The following LMOD3 variants were observed in gnomAD, a reference collection of about 807,000 sequenced individuals.
LMOD3 encodes the protein leiomodin-3.
LMOD3 carries 31 observed loss-of-function variants against 41.8 expected under a neutral mutation model. The observed-to-expected ratio is 0.74, with a 90% CI of 0.56 to 1.00. The LOEUF (loss-of-function observed/expected upper bound fraction) is 1.00. Ranked by LOEUF, LMOD3 falls within the 50% of genes least tolerant of loss-of-function variation. The pLI is 0.00. For synonymous variants in LMOD3, 292 were observed against 241.9 expected, an observed-to-expected ratio of 1.21 and a Z score of -1.92; for missense variants, 755 against 679.5, an observed-to-expected ratio of 1.11 and a Z score of -1.23.
At position 69,122,532 on chromosome 3, in the gene LMOD3, G is replaced by T. The variant is rs1398506304; in HGVS notation, c.-146C>A. On this transcript the variant is annotated 5_prime_UTR_variant, in exon 1 of 3. Coordinates refer to ENST00000420581, the MANE Select transcript of LMOD3 (RefSeq NM_198271.5). ...TGAGATATTTTTTTTTTTTTCCCAG[G>T]AACCTCAGTGGTTTGCTGAGCAGCT... The T allele has an allele frequency of 1.8e-5, 11 of 627,608 alleles. No homozygotes were observed. Among genetic ancestry groups the T allele is most frequent in the Non-Finnish European group, 2.7e-6 (1 of 369,052 alleles). 38.9% of individuals were successfully genotyped at this position (627,608 alleles called of 1,614,324 possible). A position where few individuals can be genotyped will look rare whatever the true frequency, so the allele number is the denominator to read the frequency against.
intron 2 of LMOD3, 147 bp downstream of exon 2, chr3:69,118,552 T>G (rs2092388014): frequency 1.2e-6 from 1 of 845,130 alleles, no homozygotes; most frequent in Non-Finnish European, 1.8e-6. Flanking sequence ...ATAGCAGTAA[T>G]TTAGTTCTAT....
intron 2 of LMOD3, among the ~76,000 whole-genome samples, chr3:69,116,733 A>G (rs1219439059): frequency 1.3e-5 from 2 of 152,158 alleles, no homozygotes; most frequent in African/African-American, 2.4e-5. Context: ...ACTTACCACT[A>G]TATCCCCAAT....
Position 69,122,350 on chromosome 3 carries a change from G to A in LMOD3, c.37C>T (p.Leu13Phe). 5.0e-6 allele frequency: 8 copies of A among 1,605,920 alleles called. No individual in the cohort carries two copies. Among genetic ancestry groups the A allele is most frequent in the Non-Finnish European group, 6.8e-6 (8 of 1,173,330 alleles). The change falls in exon 1 of 3, where the codon CTT (leucine) becomes TTT (phenylalanine). Residue 13 changes from leucine to phenylalanine, a missense_variant. Transcript: ENST00000420581. ...TCTTCATTAATCTCCTCATCGAGAA[G>A]TTCTTCTTGATCTGAATTTCTGCTG... ...EHSRNSDQEE[L>F]LDEEINEDEI... is the part of the protein sequence containing the mutation.
In LMOD3 at chr3:69,119,528, T is replaced by C. The variant is rs758365696; in HGVS notation, c.827A>G (p.Asn276Ser). ...GATGTGCTTGTTTTTCTTCATTGCA[T>C]TGACAAAGTCCAGTAACATTTCTTT... Reference protein sequence around the residue: ...IPKEMLLDFVNAMKKNKHIKT... With the variant: ...IPKEMLLDFVSAMKKNKHIKT... Residue 276 changes from asparagine (N) to serine (S), a missense_variant, in exon 2 of 3, where the codon AAT becomes AGT. Coordinates refer to ENST00000420581, the MANE Select transcript of LMOD3 (RefSeq NM_198271.5). 1 of 1,613,970 alleles carries C rather than the reference T, an allele frequency of 6.2e-7. No homozygotes were observed. Among genetic ancestry groups the C allele is most frequent in the Admixed American group, 1.7e-5 (1 of 60,016 alleles).
In LMOD3 at chr3:69,108,715, T is replaced by A. The variant is rs1254569273; in HGVS notation, c.*380A>T. 5.8e-6 allele frequency: 1 copy of A among 171,134 alleles called. No individual in the cohort carries two copies. The highest frequency in any genetic ancestry group is 1.2e-5 in the Non-Finnish European group (1 of 80,796). The allele number at this position is 171,134 out of a possible 1,614,324, so 10.6% of individuals were successfully genotyped here. A position where few individuals can be genotyped will look rare whatever the true frequency, so the allele number is the denominator to read the frequency against. On this transcript the variant is annotated 3_prime_UTR_variant, in exon 3 of 3. Transcript: ENST00000420581. ...CAGAAGAGATGGAAGGAGAAAAAAA[T>A]GGGAATACAATAGTTAACACTTCTG...
intron 2 of LMOD3, among the ~76,000 whole-genome samples, chr3:69,109,630 C>T (rs1163477905): frequency 4.1e-5 from 6 of 147,828 alleles, no homozygotes; most frequent in East Asian, 4.1e-4. Context: ...CGGGTTCAAG[C>T]GATTCTCCTG....
intron 2 of LMOD3, among the ~76,000 whole-genome samples, chr3:69,110,853 A>T (rs2036628): frequency 0.044 from 4,560 of 103,446 alleles, 139 homozygotes; most frequent in East Asian, 0.092. Flanking sequence ...AAAAAAAAAA[A>T]ATATATATAT....
Position 69,119,792 on chromosome 3 carries a change from C to G in LMOD3, c.563G>C (p.Cys188Ser). Residue 188 changes from cysteine to serine, a missense_variant, in exon 2 of 3, where the codon TGC (cysteine) becomes TCC (serine). By Grantham distance (112) the Cys-to-Ser change is moderately radical. Coordinates refer to ENST00000420581, the MANE Select transcript of LMOD3 (RefSeq NM_198271.5). Reference sequence around the variant, plus strand: ...GAATGCTTTGTCAGTTACCTGCTGGCAGTTGTTCTCACAATTTCTAATTTG... The same window carrying G: ...GAATGCTTTGTCAGTTACCTGCTGGGAGTTGTTCTCACAATTTCTAATTTG... ...KEQIRNCENN[C>S]QQVTDKAFKE... 1 of 1,606,848 alleles carries G rather than the reference C, an allele frequency of 6.2e-7. No homozygotes were observed. The highest frequency in any genetic ancestry group is 8.5e-7 in the Non-Finnish European group (1 of 1,175,868).
Position 69,119,274 on chromosome 3 carries a change from C to A in LMOD3, c.1081G>T (p.Ala361Ser). 6.2e-7 allele frequency: 1 copy of A among 1,613,910 alleles called. No individual in the cohort carries two copies. The highest frequency in any genetic ancestry group is 8.5e-7 in the Non-Finnish European group (1 of 1,179,878). ...GTGTTGTTTGCCTTCAAAAGCCTGGCTATTTCCATTTCAGCATGGTGACCC... is the reference window on the plus strand; with the variant it reads ...GTGTTGTTTGCCTTCAAAAGCCTGGATATTTCCATTTCAGCATGGTGACCC... Reference protein sequence around the residue: ...MLGHHAEMEIARLLKANNTLL... With the variant: ...MLGHHAEMEISRLLKANNTLL... The change falls in exon 2 of 3, where the codon GCC becomes TCC. Residue 361 changes from alanine to serine, a missense_variant. Ala to Ser is a moderately conservative substitution (Grantham distance 99, BLOSUM62 1). Transcript: ENST00000420581.
rs1575878416 is a variant in LMOD3 at position 69,118,611 on chromosome 3, C to T, written c.1656+88G>A. Reference sequence around the variant, plus strand: ...CAGTTGGTCTCAATTAGTGAGTATCCCCTTATGTTAAAACAGAGAGGGAAT... The same window carrying T: ...CAGTTGGTCTCAATTAGTGAGTATCTCCTTATGTTAAAACAGAGAGGGAAT... On this transcript the variant is annotated intron_variant, in intron 2 of 2. Coordinates refer to ENST00000420581, the MANE Select transcript of LMOD3 (RefSeq NM_198271.5). 3.5e-6 allele frequency: 5 copies of T among 1,423,122 alleles called. No individual in the cohort carries two copies. In the East Asian group the frequency reaches 7.4e-5, roughly 21 times the overall value. 88.2% of individuals were successfully genotyped at this position (1,423,122 alleles called of 1,614,324 possible).
At chr3:69,121,123 G>C (rs779112954) in intron 1 of LMOD3, among the ~76,000 whole-genome samples, 1 of 152,160 alleles carries the variant, frequency 6.6e-6, no homozygotes, top group Non-Finnish European at 1.5e-5. Context: ...GGAAAAACAT[G>C]TTGCAAGTAC....
intron 2 of LMOD3, among the ~76,000 whole-genome samples, chr3:69,111,601 A>T (rs1293964169): frequency 6.6e-6 from 1 of 152,238 alleles, no homozygotes; most frequent in Non-Finnish European, 1.5e-5. Context: ...TAGAGAGATG[A>T]GGATCTCACT....
rs2092335827 is a variant in LMOD3, at chr3:69,108,989, G to A, written c.*106C>T. On this transcript the variant is annotated 3_prime_UTR_variant, in exon 3 of 3. Transcript: ENST00000420581. ...TTATCAGATGGTAGCATTGTTTCCA[G>A]TTCTGCCACGTGGATCCTAAAGTAT... is the stretch of plus-strand genomic sequence containing the variant. 1 of 1,005,592 alleles carries A rather than the reference G, an allele frequency of 9.9e-7. No homozygotes were observed. The highest frequency in any genetic ancestry group is 2.2e-5 in the Admixed American group (1 of 46,164). The allele number at this position is 1,005,592 out of a possible 1,614,324, so 62.3% of individuals were successfully genotyped here.
rs756673570 is a variant in LMOD3 at position 69,122,276 on chromosome 3, C to G, written c.111G>C (p.Ser37=). The G allele has an allele frequency of 6.2e-7, 1 of 1,613,362 alleles. No individual in the cohort carries two copies. The highest frequency in any genetic ancestry group is 1.3e-5 in the African/African-American group (1 of 74,900). Residue 37 remains serine (S), a synonymous_variant, in exon 1 of 3, where the codon TCG becomes TCC. Transcript: ENST00000420581. ...GGTCAGGGGCCATGACTTCCATTTC[C>G]GACTGCAGTTCTTTCAGTTCTTCAG... The part of the protein sequence containing the change: ...LSAEELKELQ[S]EMEVMAPDPS...
In LMOD3 at chr3:69,119,651, G is replaced by C. The variant is rs2092396963; in HGVS notation, c.704C>G (p.Ser235Ter). The C allele has an allele frequency of 2.5e-6, 4 of 1,613,842 alleles. No homozygotes were observed. The highest frequency in any genetic ancestry group is 3.4e-6 in the Non-Finnish European group (4 of 1,179,868). ...CCCATCCAGGTCTGTCTGGTTTCCT[G>C]AAGGCCTTGTACTTACCTTCAAAAA... ...TSFLKVSTRP[S>*]GNQTDLDGSL... The change falls in exon 2 of 3, where the codon TCA becomes TGA. Residue 235 changes from serine to a stop codon, truncating the protein, a stop_gained. Transcript: ENST00000420581. LOFTEE classifies it high-confidence loss of function.
intron 2 of LMOD3, among the ~76,000 whole-genome samples, chr3:69,118,406 T>C (rs974775391): frequency 6.6e-6 from 1 of 152,180 alleles, no homozygotes; most frequent in Admixed American, 6.5e-5. Flanking sequence ...GTTAGTAAGA[T>C]GATTACATGA....
At chr3:69,110,871 T>TATATATATATAC (rs1282114364) in intron 2 of LMOD3, among the ~76,000 whole-genome samples, 5 of 131,362 alleles carry the variant, frequency 3.8e-5, no homozygotes, top group African/African-American at 1.6e-4. Context: ...TATATATATA[T>TATATATATATAC]ATATATTTAA....
intron 1 of LMOD3, among the ~76,000 whole-genome samples, chr3:69,120,599 AAT>A (rs149532027): frequency 0.14 from 20,691 of 150,676 alleles, 1,417 homozygotes; most frequent in Middle Eastern, 0.2. Flanking sequence ...GACATTTTGG[AAT>A]ATATATATAT....
rs2092335672 is a variant in LMOD3, at chr3:69,108,977, G to A, written c.*118C>T. 4 of 864,008 alleles carry A rather than the reference G, an allele frequency of 4.6e-6. No individual in the cohort carries two copies. The highest frequency in any genetic ancestry group is 7.4e-6 in the Non-Finnish European group (4 of 543,650). The allele number at this position is 864,008 out of a possible 1,614,324, so 53.5% of individuals were successfully genotyped here. A position where few individuals can be genotyped will look rare whatever the true frequency, so the allele number is the denominator to read the frequency against. ...TTACAAATACCCTTATCAGATGGTA[G>A]CATTGTTTCCAGTTCTGCCACGTGG... On this transcript the variant is annotated 3_prime_UTR_variant, in exon 3 of 3. Transcript: ENST00000420581.
Sources: allele counts gnomAD v4.1 joint callset (sites outside exome capture counted in the v4.1 genomes callset), GRCh38; gene constraint gnomAD v4.1.1; transcripts MANE v1.5; gene names NCBI Gene and HGNC (gene_info 2026-07-23, HGNC 2026-07-21).